Variants in PTK2 observed in about 807,000 individuals in gnomAD.
PTK2 encodes protein tyrosine kinase 2.
In PTK2, 45 loss-of-function variants were observed where a neutral mutation model predicts 150.1. The observed-to-expected ratio is 0.30, with a 90% CI of 0.24 to 0.38. The LOEUF is 0.38. Ranked by LOEUF, PTK2 falls within the 10% of genes least tolerant of loss-of-function variation. The pLI, the probability that PTK2 is intolerant of heterozygous loss-of-function variation, is 1.00. For missense variants in PTK2, 919 were observed against 1,307.3 expected (o/e 0.70, Z 4.58); for synonymous variants, 432 against 449.2 (o/e 0.96, Z 0.48).
intron 1 of PTK2, among the ~76,000 whole-genome samples, chr8:140,974,606 T>C (rs2100188599): frequency 6.6e-6 from 1 of 152,212 alleles, no homozygotes; most frequent in African/African-American, 2.4e-5. Context: ...ATGCATTACA[T>C]TTAAAGTAAA....
At chr8:140,941,805 A>AG (rs1174471810) in intron 1 of PTK2, among the ~76,000 whole-genome samples, 1 of 152,138 alleles carries the variant, frequency 6.6e-6, no homozygotes, top group Non-Finnish European at 1.5e-5. Context: ...CCTCAGGCTC[A>AG]GGCGATCCTC....
chr8:140,880,491 T>C (rs1028001501), intron 3 of PTK2, among the ~76,000 whole-genome samples: 2 of 152,238 alleles, frequency 1.3e-5, no homozygotes, highest in Non-Finnish European at 2.9e-5. Flanking sequence ...TGCTGTCCTT[T>C]ACACGAGGGT....
chr8:140,725,335 G>A (rs1282230747), intron 22 of PTK2, among the ~76,000 whole-genome samples: 1 of 152,158 alleles, frequency 6.6e-6, no homozygotes, highest in African/African-American at 2.4e-5. Flanking sequence ...TTTCTGCTAC[G>A]TGTGAGTAGC....
exon 9 of PTK2, chr8:140,819,010 A>C: frequency 6.2e-7 from 1 of 1,613,120 alleles, no homozygotes; most frequent in Non-Finnish European, 8.5e-7. Flanking sequence ...CAGTTTTCTT[A>C]GTGTTTTGGC....
chr8:140,746,579 C>G, intron 18 of PTK2, 181 bp downstream of exon 21: 2 of 479,518 alleles, frequency 4.2e-6, no homozygotes, highest in East Asian at 6.8e-5. Flanking sequence ...TAAGGGGATG[C>G]TTTGGGAATT....
At chr8:140,660,758 C>T in intron 31 of PTK2, 1 of 359,780 alleles carries the variant, frequency 2.8e-6, no homozygotes, top group Admixed American at 3.1e-5. Flanking sequence ...TAAGTCAGGG[C>T]AGCAATGGTG....
At chr8:140,879,616 C>T in exon 4 of PTK2, 1 of 1,378,826 alleles carries the variant, frequency 7.3e-7, no homozygotes, top group Non-Finnish European at 9.6e-7. Flanking sequence ...TTGTGACTGT[C>T]CACTATCTTC....
At chr8:140,890,654 A>T in exon 3 of PTK2, 1 of 1,614,162 alleles carries the variant, frequency 6.2e-7, no homozygotes, top group South Asian at 1.1e-5. Context: ...CACCAGGAGA[A>T]CGTTCCATAC....
intron 22 of PTK2, among the ~76,000 whole-genome samples, chr8:140,725,746 G>A (rs192614083): frequency 6.6e-6 from 1 of 152,050 alleles, no homozygotes; most frequent in East Asian, 1.9e-4. Flanking sequence ...CTAAAATAAT[G>A]GAACAGAGAT....
chr8:140,755,675 C>A (rs1270087347), intron 16 of PTK2, among the ~76,000 whole-genome samples: 1 of 152,112 alleles, frequency 6.6e-6, no homozygotes, highest in Non-Finnish European at 1.5e-5. Context: ...TAGCGTACGT[C>A]TTTTTTGCCT....
intron 1 of PTK2, among the ~76,000 whole-genome samples, chr8:140,988,146 A>C (rs1382021023): frequency 6.6e-6 from 1 of 152,212 alleles, no homozygotes; most frequent in Non-Finnish European, 1.5e-5. Context: ...CTACACCCAT[A>C]CAAAGCCTTG....
At chr8:140,744,548 G>C in intron 19 of PTK2, 104 bp downstream of exon 22, 1 of 573,788 alleles carries the variant, frequency 1.7e-6, no homozygotes. Context: ...TGTACCAAAG[G>C]GGACCCTGGA....
chr8:140,836,776 GC>G (rs1295803406), intron 7 of PTK2, among the ~76,000 whole-genome samples: 1 of 152,102 alleles, frequency 6.6e-6, no homozygotes, highest in Non-Finnish European at 1.5e-5. Flanking sequence ...ACAACAGAAT[GC>G]AGCTCACATT....
intron 7 of PTK2, among the ~76,000 whole-genome samples, chr8:140,843,226 A>T (rs1158945562): frequency 6.6e-6 from 1 of 152,072 alleles, no homozygotes; most frequent in Non-Finnish European, 1.5e-5. Context: ...CTCCAAACAT[A>T]CCATTCACTA....
intron 10 of PTK2, among the ~76,000 whole-genome samples, chr8:140,817,028 A>T (rs1322887822): frequency 2.0e-5 from 3 of 152,226 alleles, no homozygotes; most frequent in African/African-American, 7.2e-5. Context: ...TGGGGCAGAA[A>T]TCTAAAAGCA....
intron 4 of PTK2, among the ~76,000 whole-genome samples, chr8:140,870,244 T>C (rs970746659): frequency 1.3e-5 from 2 of 152,214 alleles, no homozygotes; most frequent in African/African-American, 4.8e-5. Context: ...TAAGCACATA[T>C]GGCAGAAACC....
intron 16 of PTK2, among the ~76,000 whole-genome samples, chr8:140,758,725 T>C (rs2100067382): frequency 6.6e-6 from 1 of 152,216 alleles, no homozygotes; most frequent in Admixed American, 6.5e-5. Context: ...TAATTTAGTA[T>C]TAAGAAAAGT....
chr8:140,678,738 G>A (rs1443869021), intron 27 of PTK2, among the ~76,000 whole-genome samples: 1 of 152,144 alleles, frequency 6.6e-6, no homozygotes, highest in Non-Finnish European at 1.5e-5. Flanking sequence ...CGGGAGAAGA[G>A]TAGCTTCGAG....
chr8:140,773,642 G>C (rs1327518809), intron 14 of PTK2, among the ~76,000 whole-genome samples: 1 of 152,126 alleles, frequency 6.6e-6, no homozygotes, highest in African/African-American at 2.4e-5. Flanking sequence ...ATGAAGAGTT[G>C]GGAGTGGGAA....
Sources: allele counts gnomAD v4.1 joint callset (sites outside exome capture counted in the v4.1 genomes callset), GRCh38; gene constraint gnomAD v4.1.1; transcripts MANE v1.5; gene names NCBI Gene and HGNC (gene_info 2026-07-23, HGNC 2026-07-21).